The following RGS8 variants were observed in gnomAD, a reference collection of about 807,000 sequenced individuals.
RGS8 encodes the protein regulator of G protein signaling 8.
RGS8 carries 8 observed loss-of-function variants against 21.7 expected under a neutral mutation model. That is an observed-to-expected ratio of 0.37 (90% CI 0.22 to 0.66). The LOEUF is 0.66. Among genes scored for constraint, RGS8 ranks in the 30% least tolerant of loss-of-function variants. RGS8 has a pLI of 0.59. For missense variants in RGS8, 157 were observed against 217.9 expected (o/e 0.72, Z 1.76); for synonymous variants, 80 against 83.6 (o/e 0.96, Z 0.24).
At chr1:182,722,230 T>TC in the RGS8 span, among the ~76,000 whole-genome samples, 1 of 151,252 alleles carries the variant, frequency 6.6e-6, no homozygotes, top group Non-Finnish European at 1.5e-5. Context: ...TTTTTTTTTT[T>TC]CCACATATGT....
the RGS8 span, among the ~76,000 whole-genome samples, chr1:182,741,902 G>A: frequency 5.0e-5 from 7 of 140,324 alleles, no homozygotes; most frequent in East Asian, 2.2e-4. Flanking sequence ...CCTCCCTCCC[G>A]GAGGAGGTGG....
At chr1:182,680,459 G>A (rs1326838079) in intron 1 of RGS8, among the ~76,000 whole-genome samples, 3 of 152,084 alleles carry the variant, frequency 2.0e-5, no homozygotes, top group Non-Finnish European at 2.9e-5. Context: ...ACTTCAGGAC[G>A]ACTTCTCCAA....
exon 2 of RGS8, chr1:182,671,677 G>T: frequency 1.2e-6 from 2 of 1,614,176 alleles, no homozygotes; most frequent in Non-Finnish European, 1.7e-6. Context: ...CAGTCCTCAT[G>T]GCCTGAGGGT....
chr1:182,742,423 C>T, the RGS8 span, among the ~76,000 whole-genome samples: 1 of 152,054 alleles, frequency 6.6e-6, no homozygotes, highest in Admixed American at 6.5e-5. Context: ...GCCGAGATCA[C>T]GCCACTGCAC....
At chr1:182,659,238 CA>C (rs1206010881) in intron 5 of RGS8, among the ~76,000 whole-genome samples, 2 of 152,102 alleles carry the variant, frequency 1.3e-5, no homozygotes, top group Admixed American at 1.3e-4. Flanking sequence ...CCTATTTTAT[CA>C]AGGAGAAGCT....
At chr1:182,675,644 C>A (rs139432232), upstream of RGS8, among the ~76,000 whole-genome samples, 2 of 152,282 alleles carry the variant, frequency 1.3e-5, no homozygotes, top group Non-Finnish European at 2.9e-5. Context: ...GGAATGTCCC[C>A]ACCCTTGATC....
At chr1:182,692,986 AT>A in the RGS8 span, among the ~76,000 whole-genome samples, 2 of 152,256 alleles carry the variant, frequency 1.3e-5, no homozygotes, top group African/African-American at 4.8e-5. Context: ...ACCAATGTGG[AT>A]TAAAGACTTA....
intron 5 of RGS8, among the ~76,000 whole-genome samples, chr1:182,661,812 A>C (rs921082372): frequency 7.9e-6 from 1 of 126,088 alleles, no homozygotes; most frequent in African/African-American, 3.7e-5. Context: ...ACACATTCAC[A>C]CACACACACA....
At chr1:182,742,844 G>T in the RGS8 span, among the ~76,000 whole-genome samples, 1 of 152,174 alleles carries the variant, frequency 6.6e-6, no homozygotes, top group Non-Finnish European at 1.5e-5. Flanking sequence ...GGTAGGATTT[G>T]CTAAGAAGGA....
exon 4 of RGS8, chr1:182,666,973 C>T: frequency 6.2e-7 from 1 of 1,611,936 alleles, no homozygotes; most frequent in Non-Finnish European, 8.5e-7. Context: ...TCCCTTTGTT[C>T]CTGCAACAAG....
chr1:182,696,239 C>T, the RGS8 span, among the ~76,000 whole-genome samples: 3 of 152,240 alleles, frequency 2.0e-5, no homozygotes, highest in Admixed American at 6.5e-5. Flanking sequence ...TCTCAACAAT[C>T]GCCCTCCAAG....
At chr1:182,643,899 G>A (rs959068683), downstream of RGS8, 1 of 152,340 alleles carries the variant, frequency 6.6e-6, no homozygotes, top group African/African-American at 2.4e-5. Flanking sequence ...TCACAGCTCT[G>A]CCTAGACTTG....
the RGS8 span, among the ~76,000 whole-genome samples, chr1:182,724,839 T>G: frequency 6.6e-6 from 1 of 152,228 alleles, no homozygotes; most frequent in African/African-American, 2.4e-5. Context: ...ATTACAGGCA[T>G]GAGCCACCGC....
chr1:182,734,503 G>A, the RGS8 span: 14 of 152,186 alleles, frequency 9.2e-5, no homozygotes, highest in South Asian at 2.1e-4. Context: ...GAATCAAGAC[G>A]GTTGTAAACT....
the RGS8 span, among the ~76,000 whole-genome samples, chr1:182,702,302 C>A: frequency 2.0e-5 from 3 of 152,050 alleles, no homozygotes; most frequent in African/African-American, 4.8e-5. Context: ...GCGAATTAAC[C>A]CAGGAACAGG....
At position 182,678,654 on chromosome 1, in the gene RGS8, G is replaced by T. The variant is rs557240793; in HGVS notation, n.221+5702C>A. ...GCCCATCTATACAGGCAGAATTCAG[G>T]GCCATATGTTAACACTGGACAAGGA... On this transcript the variant is annotated intron_variant and non_coding_transcript_variant, in intron 1 of 4. Transcript: ENST00000515211. Among the ~76,000 whole-genome samples the T allele has an allele frequency of 3.9e-5, 6 of 152,232 alleles. No individual in the cohort carries two copies. The East Asian group carries it at 9.6e-4, about 24-fold the overall frequency.
the RGS8 span, among the ~76,000 whole-genome samples, chr1:182,748,790 G>C: frequency 6.6e-6 from 1 of 152,070 alleles, no homozygotes; most frequent in East Asian, 1.9e-4. Context: ...TTTTTATACT[G>C]TTCATTCTAA....
rs187392419 is a variant in RGS8, at chr1:182,683,299, C to T, written n.221+1057G>A. 3.5e-4 allele frequency among the ~76,000 whole-genome samples: 54 copies of T among 152,290 alleles called. No homozygotes were observed. The East Asian group carries it at 9.3e-3, about 26-fold the overall frequency. On this transcript the variant is annotated intron_variant and non_coding_transcript_variant, in intron 1 of 4. Coordinates refer to the RGS8 transcript ENST00000515211. The stretch of plus-strand genomic sequence containing the variant: ...ATAACAGCCATCATCAGCGTAATAC[C>T]ATGTTGCATGTTCAGAGCTTTTAAC...
chr1:182,751,724 A>G, the RGS8 span, among the ~76,000 whole-genome samples: 1 of 152,318 alleles, frequency 6.6e-6, no homozygotes, highest in East Asian at 1.9e-4. Flanking sequence ...ATACTTTCTC[A>G]CATTCAAAAA....
Sources: allele counts gnomAD v4.1 joint callset (sites outside exome capture counted in the v4.1 genomes callset), GRCh38; gene constraint gnomAD v4.1.1; transcripts MANE v1.5; gene names NCBI Gene and HGNC (gene_info 2026-07-23, HGNC 2026-07-21).